The following MAGI2 variants were observed in gnomAD, a reference collection of about 807,000 sequenced individuals.
MAGI2 encodes membrane associated guanylate kinase, WW and PDZ domain containing 2, also known as membrane-associated guanylate kinase, WW and PDZ domain-containing protein 2.
Under a neutral mutation model 133.3 loss-of-function variants are expected in MAGI2, and 35 were observed. That is an observed-to-expected ratio of 0.26 (90% CI 0.20 to 0.35). MAGI2 has a LOEUF of 0.35. MAGI2 is among the 10% of genes least tolerant of loss of function. The pLI, the probability that MAGI2 is intolerant of heterozygous loss-of-function variation, is 1.00. For synonymous variants in MAGI2, 729 were observed against 710.6 expected (o/e 1.03, Z -0.41); for missense variants, 1,636 against 1,863.4 (o/e 0.88, Z 2.25).
At chr7:78,963,792 A>C (rs1438786993) in intron 2 of MAGI2, among the ~76,000 whole-genome samples, 1 of 152,104 alleles carries the variant, frequency 6.6e-6, no homozygotes, top group South Asian at 2.1e-4. Context: ...CAATAGATTA[A>C]AACTAGGAGA....
chr7:78,155,700 C>A (rs942513418), intron 16 of MAGI2, among the ~76,000 whole-genome samples: 3 of 152,174 alleles, frequency 2.0e-5, no homozygotes, highest in African/African-American at 7.2e-5. Flanking sequence ...TTCTAAGCTT[C>A]TAAAACCTGT....
At chr7:79,062,504 G>T (rs1032372342) in intron 1 of MAGI2, among the ~76,000 whole-genome samples, 1 of 151,954 alleles carries the variant, frequency 6.6e-6, no homozygotes, top group Non-Finnish European at 1.5e-5. Context: ...CTATGCAAAA[G>T]ATACTTTATT....
chr7:79,139,404 C>T (rs540021138), intron 1 of MAGI2, among the ~76,000 whole-genome samples: 47 of 152,270 alleles, frequency 3.1e-4, no homozygotes, highest in African/African-American at 1.1e-3. Flanking sequence ...CTCTGTTTTA[C>T]AGATTATAAC....
intron 1 of MAGI2, among the ~76,000 whole-genome samples, chr7:79,143,734 T>G (rs1822351212): frequency 6.6e-6 from 1 of 152,212 alleles, no homozygotes; most frequent in South Asian, 2.1e-4. Flanking sequence ...TTAATTCTAG[T>G]AATTTTAAAA....
intron 1 of MAGI2, among the ~76,000 whole-genome samples, chr7:79,249,433 A>T (rs1269452003): frequency 6.6e-6 from 1 of 152,054 alleles, no homozygotes; most frequent in Non-Finnish European, 1.5e-5. Flanking sequence ...TTAAATAATA[A>T]AATTTAAATA....
intron 2 of MAGI2, among the ~76,000 whole-genome samples, chr7:78,807,471 T>A (rs1260638469): frequency 6.6e-6 from 1 of 152,192 alleles, no homozygotes; most frequent in African/African-American, 2.4e-5. Flanking sequence ...TTCAGTCTGT[T>A]GCAATATCAC....
At chr7:78,391,890 T>C (rs1795924395) in intron 6 of MAGI2, among the ~76,000 whole-genome samples, 1 of 152,204 alleles carries the variant, frequency 6.6e-6, no homozygotes. Flanking sequence ...ATTTGTGAAG[T>C]GATAAATACA....
intron 21 of MAGI2, among the ~76,000 whole-genome samples, chr7:78,022,910 C>T (rs780795317): frequency 5.3e-5 from 8 of 152,076 alleles, no homozygotes; most frequent in African/African-American, 1.2e-4. Context: ...CACTTAACAG[C>T]GGGAGAAACT....
At chr7:79,383,257 G>T (rs1843928632) in intron 1 of MAGI2, among the ~76,000 whole-genome samples, 2 of 151,498 alleles carry the variant, frequency 1.3e-5, no homozygotes, top group South Asian at 4.2e-4. Context: ...GAATGTCCAG[G>T]ATGCTTTACT....
intron 3 of MAGI2, among the ~76,000 whole-genome samples, chr7:78,575,160 T>TA (rs1469584415): frequency 6.6e-6 from 1 of 150,776 alleles, no homozygotes; most frequent in African/African-American, 2.4e-5. Context: ...AACAAACACT[T>TA]TAAAAAAAAA....
intron 21 of MAGI2, among the ~76,000 whole-genome samples, chr7:78,064,961 G>C (rs183864767): frequency 1.3e-5 from 2 of 151,932 alleles, no homozygotes; most frequent in Non-Finnish European, 2.9e-5. Flanking sequence ...ATACTAACTC[G>C]ATGTAAAGTT....
intron 2 of MAGI2, among the ~76,000 whole-genome samples, chr7:78,697,490 C>T (rs1817640382): frequency 6.6e-6 from 1 of 152,176 alleles, no homozygotes; most frequent in Non-Finnish European, 1.5e-5. Flanking sequence ...AAAGCTTTGG[C>T]TTTCTCATCT....
At chr7:78,743,196 A>T (rs1355988855) in intron 2 of MAGI2, among the ~76,000 whole-genome samples, 1 of 151,990 alleles carries the variant, frequency 6.6e-6, no homozygotes, top group Admixed American at 6.5e-5. Flanking sequence ...CCTCTACTAG[A>T]ACCCTATAGA....
intron 2 of MAGI2, among the ~76,000 whole-genome samples, chr7:78,747,217 T>C (rs76159912): frequency 8.2e-4 from 125 of 152,302 alleles, no homozygotes; most frequent in African/African-American, 1.9e-3. Context: ...CCTGGTACTA[T>C]TGATTTCTCT....
At chr7:78,082,394 G>A (rs1166457691) in intron 20 of MAGI2, among the ~76,000 whole-genome samples, 1 of 152,106 alleles carries the variant, frequency 6.6e-6, no homozygotes, top group Non-Finnish European at 1.5e-5. Flanking sequence ...CCTCTGTGGG[G>A]GCCTCAGGAA....
intron 3 of MAGI2, among the ~76,000 whole-genome samples, chr7:78,536,759 GTTTT>G (rs55740303): frequency 4.9e-5 from 6 of 122,410 alleles, no homozygotes; most frequent in Non-Finnish European, 8.6e-5. Flanking sequence ...TTTTGTTGTT[GTTTT>G]TTTTTTTTTT....
intron 2 of MAGI2, among the ~76,000 whole-genome samples, chr7:78,982,570 A>T (rs1049165388): frequency 2.6e-5 from 4 of 151,844 alleles, no homozygotes; most frequent in Admixed American, 6.6e-5. Flanking sequence ...TAAATACTTA[A>T]ACCCTCCTTT....
At chr7:78,255,913 A>G (rs1450789433) in intron 10 of MAGI2, 30 bp downstream of exon 10, 1 of 1,606,608 alleles carries the variant, frequency 6.2e-7, no homozygotes, top group Admixed American at 1.7e-5. Context: ...TTACCCACAT[A>G]TTTTATTGCT....
At chr7:78,861,263 C>T (rs928375529) in intron 2 of MAGI2, among the ~76,000 whole-genome samples, 2 of 152,288 alleles carry the variant, frequency 1.3e-5, no homozygotes, top group African/African-American at 2.4e-5. Flanking sequence ...GAGATGAACC[C>T]AGTACCTCAG....
Sources: allele counts gnomAD v4.1 joint callset (sites outside exome capture counted in the v4.1 genomes callset), GRCh38; gene constraint gnomAD v4.1.1; transcripts MANE v1.5; gene names NCBI Gene and HGNC (gene_info 2026-07-23, HGNC 2026-07-21).